The following DNER variants were observed in gnomAD, a reference collection of about 807,000 sequenced individuals.
DNER encodes the protein delta/notch like EGF repeat containing.
Under a neutral mutation model 78.2 loss-of-function variants are expected in DNER, and 33 were observed. The observed-to-expected ratio is 0.42, with a 90% CI of 0.32 to 0.56. The LOEUF is 0.56. DNER is among the 20% of genes least tolerant of loss of function. DNER has a pLI of 0.11. For missense variants in DNER, 918 were observed against 975.3 expected, an observed-to-expected ratio of 0.94 and a Z score of 0.78; for synonymous variants, 417 against 384.8, an observed-to-expected ratio of 1.08 and a Z score of -0.98.
chr2:229,563,537 ATCACCCCATCACCATCATCG>A (rs1697014882), intron 4 of DNER, among the ~76,000 whole-genome samples: 1 of 107,412 alleles, frequency 9.3e-6, no homozygotes, highest in African/African-American at 4.9e-5. Flanking sequence ...CATCATCGTC[ATCACCCCATCACCATCATCG>A]TCATCATCCT....
At position 229,611,360 on chromosome 2, in the gene DNER, A is replaced by G. The variant is rs182807848; in HGVS notation, c.277-19472T>C. Among the ~76,000 whole-genome samples, 11 of 152,354 alleles carry G rather than the reference A, an allele frequency of 7.2e-5. No individual in the cohort carries two copies. The East Asian group carries it at 2.1e-3, about 29-fold the overall frequency. On this transcript the variant is annotated intron_variant, in intron 1 of 12. Coordinates refer to ENST00000341772, the MANE Select transcript of DNER (RefSeq NM_139072.4). The stretch of plus-strand genomic sequence containing the variant: ...GATGCTAAGGCCACCAGGAACCAAG[A>G]AAGTTTGGGAATCCCTGGCTTACAT...
chr2:229,366,851 C>A (rs1431899839), intron 12 of DNER, 22 bp downstream of exon 12: 2 of 1,613,184 alleles, frequency 1.2e-6, no homozygotes, highest in South Asian at 1.1e-5. Context: ...GCAGCATTCC[C>A]CACGCCGCCC....
chr2:229,679,438 C>A (rs1247584217), intron 1 of DNER, among the ~76,000 whole-genome samples: 1 of 152,162 alleles, frequency 6.6e-6, no homozygotes, highest in African/African-American at 2.4e-5. Context: ...TTCAACTTCA[C>A]TTGTACAAAC....
At chr2:229,661,308 C>A (rs1483152608) in intron 1 of DNER, among the ~76,000 whole-genome samples, 1 of 152,142 alleles carries the variant, frequency 6.6e-6, no homozygotes, top group Non-Finnish European at 1.5e-5. Context: ...CAGTCCCCCA[C>A]ACCTCCCCAA....
chr2:229,510,378 A>G (rs1389294188), intron 6 of DNER, among the ~76,000 whole-genome samples: 4 of 152,242 alleles, frequency 2.6e-5, no homozygotes, highest in African/African-American at 9.6e-5. Flanking sequence ...GCCGATGCCC[A>G]CTTTGACATG....
chr2:229,503,495 G>A (rs1695662849), intron 6 of DNER, among the ~76,000 whole-genome samples: 1 of 152,208 alleles, frequency 6.6e-6, no homozygotes, highest in Non-Finnish European at 1.5e-5. Flanking sequence ...TCTCGAAAGA[G>A]TCTCAGAGCA....
chr2:229,540,906 T>C (rs1696499929), intron 5 of DNER, among the ~76,000 whole-genome samples: 1 of 152,192 alleles, frequency 6.6e-6, no homozygotes, highest in Non-Finnish European at 1.5e-5. Flanking sequence ...GTGAGGTTTC[T>C]AGGGAGTCTT....
chr2:229,618,143 G>A (rs1698197526), intron 1 of DNER, among the ~76,000 whole-genome samples: 2 of 152,222 alleles, frequency 1.3e-5, no homozygotes, highest in Middle Eastern at 3.4e-3. Context: ...CATAATGTAG[G>A]CAATAGAGCA....
intron 1 of DNER, among the ~76,000 whole-genome samples, chr2:229,593,905 A>G (rs1352725543): frequency 6.6e-6 from 1 of 152,254 alleles, no homozygotes; most frequent in African/African-American, 2.4e-5. Context: ...TTTAAACCAC[A>G]AGGGATCAAT....
At position 229,599,418 on chromosome 2, in the gene DNER, T is replaced by C. The variant is rs1413989724; in HGVS notation, c.277-7530A>G. 4.1e-5 allele frequency among the ~76,000 whole-genome samples: 6 copies of C among 145,792 alleles called. No individual in the cohort carries two copies. In the South Asian group the frequency reaches 1.1e-3, roughly 27 times the overall value. On this transcript the variant is annotated intron_variant, in intron 1 of 12. Transcript: ENST00000341772. ...CAGGTTTTCTCAACATTGGTACTTTTGACACCTTGAATTGGATAATTTTTT... is the reference window on the plus strand; with the variant it reads ...CAGGTTTTCTCAACATTGGTACTTTCGACACCTTGAATTGGATAATTTTTT...
chr2:229,545,816 G>A (rs866548207), intron 5 of DNER, among the ~76,000 whole-genome samples: 23 of 152,118 alleles, frequency 1.5e-4, no homozygotes, highest in African/African-American at 5.1e-4. Context: ...CAAAGTTAAT[G>A]TGTCATCTCA....
At chr2:229,597,062 C>T (rs1272408378) in intron 1 of DNER, among the ~76,000 whole-genome samples, 1 of 151,722 alleles carries the variant, frequency 6.6e-6, no homozygotes, top group African/African-American at 2.4e-5. Context: ...CACGCACACA[C>T]AAATGAACAC....
At chr2:229,697,651 T>C (rs1699682532) in intron 1 of DNER, among the ~76,000 whole-genome samples, 1 of 152,196 alleles carries the variant, frequency 6.6e-6, no homozygotes. Flanking sequence ...TTGATGTTCC[T>C]TTCTAGTCTA....
At chr2:229,546,818 C>G (rs1470933598) in intron 5 of DNER, 129 bp downstream of exon 5, 1 of 1,330,784 alleles carries the variant, frequency 7.5e-7, no homozygotes, top group East Asian at 2.3e-5. Context: ...GACAGACAGA[C>G]AGACAGACAG....
At chr2:229,435,535 C>A (rs907674596) in intron 8 of DNER, among the ~76,000 whole-genome samples, 1 of 152,152 alleles carries the variant, frequency 6.6e-6, no homozygotes, top group African/African-American at 2.4e-5. Flanking sequence ...AATAAAACCA[C>A]AAAGATAAAC....
chr2:229,525,642 T>C (rs1162975182), intron 5 of DNER, among the ~76,000 whole-genome samples: 1 of 152,246 alleles, frequency 6.6e-6, no homozygotes, highest in East Asian at 1.9e-4. Context: ...GACAAAGTTT[T>C]GCTCTTGTTG....
chr2:229,531,751 A>G (rs1476090662), intron 5 of DNER, among the ~76,000 whole-genome samples: 1 of 152,238 alleles, frequency 6.6e-6, no homozygotes, highest in Non-Finnish European at 1.5e-5. Flanking sequence ...CAAAGGTAGA[A>G]ACAACCCAAA....
intron 5 of DNER, among the ~76,000 whole-genome samples, chr2:229,538,858 T>C (rs950268608): frequency 6.6e-6 from 1 of 152,212 alleles, no homozygotes; most frequent in African/African-American, 2.4e-5. Flanking sequence ...TAATTTCTTA[T>C]AATAAATTAG....
At chr2:229,447,658 T>C (rs1279820595) in intron 7 of DNER, 118 bp from the exon 8 acceptor site, 4 of 1,144,482 alleles carry the variant, frequency 3.5e-6, no homozygotes, top group African/African-American at 1.6e-5. Flanking sequence ...AGCTTCCAGA[T>C]ATGTCACAAC....
Sources: gnomAD v4.1 joint callset for allele counts (sites outside exome capture counted in the v4.1 genomes callset) on GRCh38, gnomAD v4.1.1 for gene constraint, MANE v1.5 for transcripts, NCBI Gene and HGNC (gene_info 2026-07-23, HGNC 2026-07-21) for gene names.